IL5RA: variants seen among roughly 807,000 people sequenced by gnomAD.
IL5RA encodes the protein interleukin-5 receptor subunit alpha.
In IL5RA, 49 loss-of-function variants were observed where a neutral mutation model predicts 50.0. The ratio of observed to expected loss-of-function variants is 0.98; its 90% CI spans 0.78 to 1.24. The LOEUF (loss-of-function observed/expected upper bound fraction) is 1.24, where lower values mean the gene tolerates loss of function less well. IL5RA is among the 50% of genes most tolerant of loss of function. IL5RA has a pLI of 0.00. For synonymous variants in IL5RA, 202 were observed against 174.0 expected, an observed-to-expected ratio of 1.16 and a Z score of -1.26; for missense variants, 600 against 500.4, an observed-to-expected ratio of 1.20 and a Z score of -1.90.
chr3:3,084,868 A>G (rs1702793740), intron 9 of IL5RA, among the ~76,000 whole-genome samples: 2 of 152,270 alleles, frequency 1.3e-5, no homozygotes, highest in African/African-American at 4.8e-5. Flanking sequence ...TGTCCTGCAC[A>G]GGGGCTGGCC....
intron 3 of IL5RA, 82 bp from the exon 4 acceptor site, chr3:3,102,902 GC>G (rs572578271): frequency 6.1e-5 from 71 of 1,172,574 alleles, no homozygotes; most frequent in Non-Finnish European, 8.2e-5. Flanking sequence ...AATATTTATT[GC>G]CCTGCAGATG....
At position 3,104,969 on chromosome 3, in the gene IL5RA, G is replaced by A; in HGVS notation, c.16C>T (p.His6Tyr). 6.2e-7 allele frequency: 1 copy of A among 1,611,448 alleles called. No homozygotes were observed. Residue 6 changes from histidine (H) to tyrosine (Y), a missense_variant, in exon 3 of 12, where the codon CAT becomes TAT. Transcript: ENST00000446632. MIIVA[H>Y]VLLILLGATE... ...GCCCCCAAAAGGATGAGTAATACAT[G>A]CGCCACGATGATCATATCCTACAGA... is the stretch of plus-strand genomic sequence containing the variant.
At chr3:3,074,714 C>T (rs927022576) in intron 11 of IL5RA, 68 bp downstream of exon 11, 17 of 885,422 alleles carry the variant, frequency 1.9e-5, no homozygotes, top group East Asian at 1.5e-4. Flanking sequence ...AACTAAGAAC[C>T]GAATGACAGC....
At chr3:3,095,690 A>G (rs1471503509) in intron 7 of IL5RA, among the ~76,000 whole-genome samples, 2 of 152,088 alleles carry the variant, frequency 1.3e-5, no homozygotes, top group Non-Finnish European at 2.9e-5. Flanking sequence ...TACTCCAAAT[A>G]GAGTTGAATG....
At chr3:3,075,912 A>G (rs1702465556) in intron 10 of IL5RA, among the ~76,000 whole-genome samples, 1 of 152,112 alleles carries the variant, frequency 6.6e-6, no homozygotes, top group South Asian at 2.1e-4. Context: ...TATAAAACTC[A>G]TTTTCTAAAT....
chr3:3,090,211 G>A (rs1160871183), intron 9 of IL5RA: 3 of 1,610,416 alleles, frequency 1.9e-6, no homozygotes, highest in South Asian at 2.2e-5. Context: ...TTCAGATACG[G>A]TGTGGGGCAG....
rs375616330 is a variant in IL5RA at position 3,097,997 on chromosome 3, G to T, written c.582C>A (p.Ile194=). ...EYSKDTLGRN[I]ACWFPRTFIL... ...TAAAAGTCCTGGGAAACCAGCATGCGATATTTCTCCCCAGTGTGTCTTTGC... is the reference window on the plus strand; with the variant it reads ...TAAAAGTCCTGGGAAACCAGCATGCTATATTTCTCCCCAGTGTGTCTTTGC... The change falls in exon 7 of 12, where the codon ATC becomes ATA. Residue 194 remains isoleucine (I), a synonymous_variant. Coordinates refer to ENST00000446632, the MANE Select transcript of IL5RA (RefSeq NM_175726.4). The T allele has an allele frequency of 1.2e-6, 2 of 1,614,160 alleles. No homozygotes were observed. The highest frequency in any genetic ancestry group is 2.2e-5 in the South Asian group (2 of 91,082).
chr3:3,076,137 G>C (rs915744344), intron 10 of IL5RA, among the ~76,000 whole-genome samples: 1 of 152,114 alleles, frequency 6.6e-6, no homozygotes, highest in African/African-American at 2.4e-5. Flanking sequence ...ATGACATGCA[G>C]GCATTGTGGT....
Position 3,070,196 on chromosome 3 carries a change from GA to G in IL5RA, c.*28del. On this transcript the variant is annotated 3_prime_UTR_variant, in exon 12 of 12. Coordinates refer to ENST00000446632, the MANE Select transcript of IL5RA (RefSeq NM_175726.4). ...TTCACTGAGGCACTGAGGCATGTGT[GA>G]GTTCATCAGAGGATGCCAAAGTGAC... 2 of 1,437,530 alleles carry G rather than the reference GA, an allele frequency of 1.4e-6. No individual in the cohort carries two copies. Among genetic ancestry groups the G allele is most frequent in the Non-Finnish European group, 2.0e-6 (2 of 1,023,314 alleles). 89.0% of individuals were successfully genotyped at this position (1,437,530 alleles called of 1,614,324 possible).
intron 5 of IL5RA, among the ~76,000 whole-genome samples, chr3:3,100,418 A>G (rs1490339126): frequency 6.6e-6 from 1 of 152,190 alleles, no homozygotes; most frequent in African/African-American, 2.4e-5. Flanking sequence ...ATATATGCAT[A>G]TATTAGGTTG....
At chr3:3,096,599 A>T (rs1703378426) in intron 7 of IL5RA, among the ~76,000 whole-genome samples, 1 of 152,216 alleles carries the variant, frequency 6.6e-6, no homozygotes, top group South Asian at 2.1e-4. Flanking sequence ...ATCATAAAAG[A>T]AAAATGAATT....
intron 1 of IL5RA, among the ~76,000 whole-genome samples, chr3:3,109,306 C>A (rs1353530729): frequency 6.6e-6 from 1 of 152,160 alleles, no homozygotes; most frequent in South Asian, 2.1e-4. Flanking sequence ...CCAAGAACCC[C>A]TACCAGAAAG....
At chr3:3,095,693 G>A (rs1021502848) in intron 7 of IL5RA, among the ~76,000 whole-genome samples, 1 of 152,056 alleles carries the variant, frequency 6.6e-6, no homozygotes, top group East Asian at 1.9e-4. Flanking sequence ...TCCAAATAGA[G>A]TTGAATGCTT....
Position 3,068,614 on chromosome 3 carries a change from A to AAAAAAAAAAAAAG in IL5RA, c.*1610_*1611insCTTTTTTTTTTTT, listed in dbSNP as rs1559856794. The stretch of plus-strand genomic sequence containing the variant: ...AAAAAAAAAAAAAAAAAAAACAAAA[A>AAAAAAAAAAAAAG]CAGGTTTGAGATTATGAATCATTTG... On this transcript the variant is annotated 3_prime_UTR_variant, in exon 12 of 12. Coordinates refer to ENST00000446632, the MANE Select transcript of IL5RA (RefSeq NM_175726.4). 5 of 135,616 alleles carry AAAAAAAAAAAAAG rather than the reference A, an allele frequency of 3.7e-5. No homozygotes were observed. The highest frequency in any genetic ancestry group is 1.4e-4 in the African/African-American group (5 of 37,012). 8.4% of individuals were successfully genotyped at this position (135,616 alleles called of 1,614,324 possible).
At chr3:3,082,200 A>G (rs776907025) in intron 9 of IL5RA, among the ~76,000 whole-genome samples, 2 of 152,224 alleles carry the variant, frequency 1.3e-5, no homozygotes, top group Non-Finnish European at 2.9e-5. Flanking sequence ...AAGAATTTCA[A>G]TACTATAAAA....
chr3:3,104,904 CTT>C lies in IL5RA; in HGVS notation c.79_80del (p.Lys27AspfsTer12). The stretch of plus-strand genomic sequence containing the variant: ...TTGAATTGAATAGAAGGTCCTTACT[CTT>C]TTCATCAGGAAGTAAGTCAGCTTGC... ...ILQADLLPDE[K>X]ISLLPPVNFT... On this transcript the variant is annotated frameshift_variant and splice_region_variant, in exon 3 of 12. Coordinates refer to ENST00000446632, the MANE Select transcript of IL5RA (RefSeq NM_175726.4). LOFTEE classifies it high-confidence loss of function. 1 of 1,590,742 alleles carries C rather than the reference CTT, an allele frequency of 6.3e-7. No homozygotes were observed. Among genetic ancestry groups the C allele is most frequent in the Non-Finnish European group, 8.6e-7 (1 of 1,159,138 alleles).
Position 3,092,250 on chromosome 3 carries a change from C to A in IL5RA, c.968G>T (p.Ser323Ile). 6.2e-7 allele frequency: 1 copy of A among 1,614,148 alleles called. No individual in the cohort carries two copies. The highest frequency in any genetic ancestry group is 8.5e-7 in the Non-Finnish European group (1 of 1,180,022). The change falls in exon 9 of 12, where the codon AGT becomes ATT. Residue 323 changes from serine to isoleucine, a missense_variant. Transcript: ENST00000446632. This position sits in a 1 kb window ranked among gnomAD's most constrained non-coding sequence, Gnocchi z 4.2. ...SSMCREAGLW[S>I]EWSQPIYVGN... Reference sequence around the variant, plus strand: ...CACATAAATAGGTTGGCTCCACTCACTCCAGAGCCCTGCCTCTCTGCACAT... The same window carrying A: ...CACATAAATAGGTTGGCTCCACTCAATCCAGAGCCCTGCCTCTCTGCACAT...
chr3:3,084,161 G>A (rs572639697), intron 9 of IL5RA, among the ~76,000 whole-genome samples: 21 of 152,288 alleles, frequency 1.4e-4, no homozygotes, highest in Middle Eastern at 3.4e-3. Context: ...ATAAAACAGG[G>A]ATAAGGATCG....
chr3:3,084,726 T>A (rs1000432087), intron 9 of IL5RA, among the ~76,000 whole-genome samples: 3 of 152,236 alleles, frequency 2.0e-5, no homozygotes, highest in African/African-American at 7.2e-5. Context: ...CCTCTAGCTG[T>A]GTTCCAAACC....
Sources: gnomAD v4.1 joint callset for allele counts (sites outside exome capture counted in the v4.1 genomes callset) on GRCh38, gnomAD v4.1.1 for gene constraint, Gnocchi (gnomAD v3.1) non-coding constraint, MANE v1.5 for transcripts, NCBI Gene and HGNC (gene_info 2026-07-23, HGNC 2026-07-21) for gene names.